NT5DC1: variants seen among roughly 807,000 people sequenced by gnomAD.
The protein encoded by NT5DC1 is 5'-nucleotidase domain-containing protein 1.
A neutral mutation model predicts 59.4 loss-of-function variants in NT5DC1; 42 were observed. The ratio of observed to expected loss-of-function variants is 0.71; its 90% CI spans 0.55 to 0.92. The LOEUF (loss-of-function observed/expected upper bound fraction) is 0.92. NT5DC1 is among the 40% of genes least tolerant of loss of function. The probability of loss-of-function intolerance (pLI) is 0.00; values close to 1 mark genes in which losing one functional copy is unlikely to be tolerated. For missense variants in NT5DC1, 501 were observed against 537.1 expected (o/e 0.93, Z 0.66); for synonymous variants, 172 against 188.1 (o/e 0.91, Z 0.70).
intron 8 of NT5DC1, among the ~76,000 whole-genome samples, chr6:116,233,679 T>C (rs1198361098): frequency 6.6e-6 from 1 of 152,224 alleles, no homozygotes; most frequent in African/African-American, 2.4e-5. Flanking sequence ...TGGCTCTTAC[T>C]ATAACATTTC....
intron 6 of NT5DC1, among the ~76,000 whole-genome samples, chr6:116,140,831 A>G (rs1348995114): frequency 6.6e-6 from 1 of 152,052 alleles, no homozygotes; most frequent in African/African-American, 2.4e-5. Flanking sequence ...TTCATTTTTC[A>G]CTGCTCTGTA....
intron 3 of NT5DC1, 189 bp from the exon 4 acceptor site, chr6:116,110,661 G>T: frequency 3.0e-6 from 2 of 673,724 alleles, no homozygotes; most frequent in Admixed American, 2.1e-5. Flanking sequence ...GATTAAAGCG[G>T]GTAAGTGCTA....
intron 6 of NT5DC1, among the ~76,000 whole-genome samples, chr6:116,213,387 T>C (rs943709484): frequency 6.6e-6 from 1 of 152,090 alleles, no homozygotes; most frequent in Non-Finnish European, 1.5e-5. Flanking sequence ...TAGCCTCAGA[T>C]TGGTTGCACA....
chr6:116,167,206 A>ATTTTTTTTTTTTTTTTTTTTTTTTTTT (rs61348980), intron 6 of NT5DC1, among the ~76,000 whole-genome samples: 1 of 87,796 alleles, frequency 1.1e-5, no homozygotes, highest in Non-Finnish European at 2.1e-5. Context: ...CAAATAGAAG[A>ATTTTTTTTTTTTTTTTTTTTTTTTTTT]TTTTTTTTTT....
chr6:116,143,738 T>C (rs1779821972), intron 6 of NT5DC1, among the ~76,000 whole-genome samples: 1 of 152,194 alleles, frequency 6.6e-6, no homozygotes, highest in Non-Finnish European at 1.5e-5. Flanking sequence ...GATTGTTTTA[T>C]GGATAAGCCT....
intron 8 of NT5DC1, among the ~76,000 whole-genome samples, chr6:116,232,331 A>G (rs987614973): frequency 6.6e-6 from 1 of 152,190 alleles, no homozygotes; most frequent in African/African-American, 2.4e-5. Flanking sequence ...AAACTCATCA[A>G]ATTGTATGCT....
intron 6 of NT5DC1, among the ~76,000 whole-genome samples, chr6:116,142,731 A>G (rs1779798127): frequency 6.6e-6 from 1 of 152,184 alleles, no homozygotes; most frequent in Admixed American, 6.5e-5. Flanking sequence ...ACCTTGAAAA[A>G]TAGAATTTGG....
At chr6:116,163,633 A>G (rs549703741) in intron 6 of NT5DC1, among the ~76,000 whole-genome samples, 2 of 151,664 alleles carry the variant, frequency 1.3e-5, no homozygotes, top group East Asian at 1.9e-4. Flanking sequence ...TTCTGCTCTG[A>G]TCTTTATTTC....
Position 116,125,633 on chromosome 6 carries a change from A to G in NT5DC1, c.529+7688A>G, listed in dbSNP as rs963083880. The G allele has an allele frequency of 7.9e-6, 6 of 762,344 alleles. No homozygotes were observed. In the African/African-American group the frequency reaches 8.9e-5, roughly 11 times the overall value. 47.2% of individuals were successfully genotyped at this position (762,344 alleles called of 1,614,324 possible). On this transcript the variant is annotated intron_variant, in intron 6 of 11. Transcript: ENST00000319550. Reference sequence around the variant, plus strand: ...TTAACCTATCCTATATATTTTTAATATGTGCCATAAATAAATGAGAGATCA... The same window carrying G: ...TTAACCTATCCTATATATTTTTAATGTGTGCCATAAATAAATGAGAGATCA...
intron 8 of NT5DC1, among the ~76,000 whole-genome samples, chr6:116,229,481 G>C (rs1437624931): frequency 6.6e-6 from 1 of 152,196 alleles, no homozygotes; most frequent in Admixed American, 6.5e-5. Context: ...CAAAGATGCT[G>C]ATGCCAGTGT....
chr6:116,178,084 TGTGTGCGC>T (rs150210014), intron 6 of NT5DC1, among the ~76,000 whole-genome samples: 5,451 of 91,788 alleles, frequency 0.059, 148 homozygotes, highest in Non-Finnish European at 0.08. Flanking sequence ...TGTGTGTGTG[TGTGTGCGC>T]GCGCGCGCGC....
intron 6 of NT5DC1, among the ~76,000 whole-genome samples, chr6:116,205,148 C>G (rs1416374991): frequency 6.6e-6 from 1 of 151,886 alleles, no homozygotes; most frequent in Non-Finnish European, 1.5e-5. Flanking sequence ...TTCCTCATCC[C>G]TCTTTTCTGC....
At chr6:116,225,111 T>C (rs1781882011) in intron 8 of NT5DC1, among the ~76,000 whole-genome samples, 1 of 152,206 alleles carries the variant, frequency 6.6e-6, no homozygotes. Flanking sequence ...AGTGAGTAGA[T>C]GGTGGTACCA....
intron 8 of NT5DC1, among the ~76,000 whole-genome samples, chr6:116,232,768 AC>A (rs1782043575): frequency 6.6e-6 from 1 of 152,180 alleles, no homozygotes; most frequent in Admixed American, 6.5e-5. Context: ...CAAAAACTTT[AC>A]TGTTTTTTAA....
intron 6 of NT5DC1, among the ~76,000 whole-genome samples, chr6:116,168,888 G>A (rs1228282149): frequency 6.6e-6 from 1 of 152,180 alleles, no homozygotes; most frequent in Non-Finnish European, 1.5e-5. Context: ...TTGAGGTGAT[G>A]TGAAGTTGTG....
At chr6:116,115,890 T>A (rs1778954275) in intron 5 of NT5DC1, 120 bp downstream of exon 5, 2 of 464,896 alleles carry the variant, frequency 4.3e-6, no homozygotes, top group Admixed American at 3.7e-5. Flanking sequence ...GTTTCAGAGC[T>A]GACTGGGAAA....
At chr6:116,119,362 G>C (rs891380709) in intron 6 of NT5DC1, 1 of 152,358 alleles carries the variant, frequency 6.6e-6, no homozygotes, top group Non-Finnish European at 1.5e-5. Flanking sequence ...AAGTTATGCT[G>C]GGTATATAAA....
chr6:116,244,267 A>T lies in NT5DC1; in HGVS notation c.*243A>T. Reference sequence around the variant, plus strand: ...TCTATACAGTAGTTTTGTGATTAGAATTCACCTGGGGACACACACTCACAC... The same window carrying T: ...TCTATACAGTAGTTTTGTGATTAGATTTCACCTGGGGACACACACTCACAC... On this transcript the variant is annotated 3_prime_UTR_variant, in exon 12 of 12. Coordinates refer to ENST00000319550, the MANE Select transcript of NT5DC1 (RefSeq NM_152729.3). The T allele has an allele frequency of 3.6e-6, 1 of 278,016 alleles. No individual in the cohort carries two copies. The highest frequency in any genetic ancestry group is 6.8e-6 in the Non-Finnish European group (1 of 147,836). The allele number at this position is 278,016 out of a possible 1,614,324, so 17.2% of individuals were successfully genotyped here. A position where few individuals can be genotyped will look rare whatever the true frequency, so the allele number is the denominator to read the frequency against.
At chr6:116,121,015 A>G (rs1320089096) in intron 6 of NT5DC1, 16 of 1,613,824 alleles carry the variant, frequency 9.9e-6, no homozygotes, top group Non-Finnish European at 1.4e-5. Context: ...CTGCAGGCCC[A>G]GCTGGCCCTG....
Sources: allele counts gnomAD v4.1 joint callset (sites outside exome capture counted in the v4.1 genomes callset), GRCh38; gene constraint gnomAD v4.1.1; transcripts MANE v1.5; gene names NCBI Gene and HGNC (gene_info 2026-07-23, HGNC 2026-07-21).